Variants in FMN2 observed in about 807,000 individuals in gnomAD.
FMN2 encodes the protein formin 2.
A neutral mutation model predicts 142.3 loss-of-function variants in FMN2; 51 were observed. That is an observed-to-expected ratio of 0.36 (90% CI 0.29 to 0.45). The LOEUF (loss-of-function observed/expected upper bound fraction) is 0.45. Ranked by LOEUF, FMN2 falls within the 20% of genes least tolerant of loss-of-function variation. The pLI is 1.00. For synonymous variants in FMN2, 882 were observed against 869.8 expected, an observed-to-expected ratio of 1.01 and a Z score of -0.25; for missense variants, 1,936 against 2,122.8, an observed-to-expected ratio of 0.91 and a Z score of 1.73.
At chr1:240,189,703 A>G (rs952902665) in intron 4 of FMN2, among the ~76,000 whole-genome samples, 1 of 152,230 alleles carries the variant, frequency 6.6e-6, no homozygotes, top group African/African-American at 2.4e-5. Flanking sequence ...AGAGGGCTAC[A>G]TCAACTTGGT....
chr1:240,229,704 T>TTTAAAAGCAAATTATACCATC (rs1317645347), intron 6 of FMN2, among the ~76,000 whole-genome samples: 5 of 77,564 alleles, frequency 6.4e-5, no homozygotes, highest in African/African-American at 2.2e-4. Context: ...GGAGTGCCAG[T>TTTAAAAGCAAATTATACCATC]GGCATGATCT....
intron 16 of FMN2, among the ~76,000 whole-genome samples, chr1:240,464,171 A>T (rs1676537959): frequency 6.6e-6 from 1 of 152,176 alleles, no homozygotes; most frequent in Non-Finnish European, 1.5e-5. Context: ...GATGATTTGT[A>T]TGTGTGTACA....
intron 4 of FMN2, among the ~76,000 whole-genome samples, chr1:240,198,752 A>T (rs1371795325): frequency 6.6e-6 from 1 of 152,150 alleles, no homozygotes. Context: ...TGTGTAGCAG[A>T]TGTTAACATA....
intron 16 of FMN2, 82 bp from the exon 17 acceptor site, chr1:240,472,290 T>G: frequency 2.2e-6 from 2 of 914,590 alleles, no homozygotes; most frequent in East Asian, 2.5e-5. Flanking sequence ...TTTATTGAGT[T>G]GAGGTTTGCT....
At chr1:240,344,487 C>A (rs1671841654) in intron 13 of FMN2, among the ~76,000 whole-genome samples, 2 of 152,258 alleles carry the variant, frequency 1.3e-5, no homozygotes, top group African/African-American at 4.8e-5. Flanking sequence ...CTCACTCCTT[C>A]CTCCACACTA....
At chr1:240,348,071 G>A (rs1671968561) in intron 13 of FMN2, among the ~76,000 whole-genome samples, 2 of 152,080 alleles carry the variant, frequency 1.3e-5, no homozygotes, top group South Asian at 4.2e-4. Flanking sequence ...CGCAGTAATT[G>A]GATTGCTGGA....
chr1:240,355,267 A>G, intron 13 of FMN2, among the ~76,000 whole-genome samples: 1 of 152,166 alleles, frequency 6.6e-6, no homozygotes, highest in East Asian at 1.9e-4. Context: ...CTGACATGTA[A>G]TAGATGCTCT....
intron 2 of FMN2, among the ~76,000 whole-genome samples, chr1:240,141,405 G>T (rs1303996523): frequency 6.6e-6 from 1 of 152,118 alleles, no homozygotes. Flanking sequence ...AGTTTGGAGT[G>T]CAATGGCACG....
chr1:240,237,554 C>T (rs1440614974), intron 6 of FMN2, among the ~76,000 whole-genome samples: 2 of 152,242 alleles, frequency 1.3e-5, no homozygotes. Flanking sequence ...GTCTTTTTAT[C>T]TTGGGATGGA....
At chr1:240,459,767 A>T (rs1254385259) in intron 16 of FMN2, among the ~76,000 whole-genome samples, 3 of 147,062 alleles carry the variant, frequency 2.0e-5, no homozygotes, top group Non-Finnish European at 4.5e-5. Context: ...ATTGTAGAGG[A>T]AGTATGCTAA....
At chr1:240,308,599 C>A (rs541646285) in intron 8 of FMN2, among the ~76,000 whole-genome samples, 40 of 152,280 alleles carry the variant, frequency 2.6e-4, no homozygotes, top group Middle Eastern at 6.8e-3. Flanking sequence ...TTGGACACCC[C>A]TGTAAGAAGT....
chr1:240,448,799 C>G (rs1398217350), intron 16 of FMN2, among the ~76,000 whole-genome samples: 1 of 139,032 alleles, frequency 7.2e-6, no homozygotes, highest in Admixed American at 7.8e-5. Context: ...CCTGCGTGGT[C>G]AACAGAGCAA....
At chr1:240,144,163 C>T (rs371332570) in intron 2 of FMN2, 18 of 1,408,606 alleles carry the variant, frequency 1.3e-5, no homozygotes, top group South Asian at 2.3e-5. Flanking sequence ...CTCAACATTC[C>T]GTGGTCCTTG....
At chr1:240,453,468 T>C (rs1257829358) in intron 16 of FMN2, among the ~76,000 whole-genome samples, 3 of 152,198 alleles carry the variant, frequency 2.0e-5, no homozygotes, top group Admixed American at 1.3e-4. Flanking sequence ...TTAAGTGTCA[T>C]AGTCCCAACA....
At chr1:240,315,720 T>C (rs1670760515) in intron 8 of FMN2, among the ~76,000 whole-genome samples, 1 of 152,204 alleles carries the variant, frequency 6.6e-6, no homozygotes, top group Non-Finnish European at 1.5e-5. Context: ...AATTATTTAA[T>C]GTAACCCGGA....
At chr1:240,274,543 T>C (rs1435595020) in intron 7 of FMN2, among the ~76,000 whole-genome samples, 2 of 152,060 alleles carry the variant, frequency 1.3e-5, no homozygotes, top group Non-Finnish European at 2.9e-5. Flanking sequence ...AAGTTTGGCT[T>C]TTACTCTAAG....
intron 2 of FMN2, among the ~76,000 whole-genome samples, chr1:240,160,904 T>G (rs925941917): frequency 3.3e-5 from 5 of 152,184 alleles, no homozygotes; most frequent in Non-Finnish European, 5.9e-5. Flanking sequence ...AAAATCAATA[T>G]GTAAAACCAA....
chr1:240,105,276 T>A (rs1164639821), intron 1 of FMN2, among the ~76,000 whole-genome samples: 1 of 151,820 alleles, frequency 6.6e-6, no homozygotes, highest in Non-Finnish European at 1.5e-5. Flanking sequence ...GCCCGGCTAA[T>A]TTTTGTATCT....
chr1:240,425,219 G>GAGAGAGAT (rs1674896492), intron 15 of FMN2, among the ~76,000 whole-genome samples: 1 of 151,906 alleles, frequency 6.6e-6, no homozygotes, highest in Admixed American at 6.6e-5. Flanking sequence ...GAGAGAGAGA[G>GAGAGAGAT]AGAGAGAGAG....
Sources: gnomAD v4.1 joint callset for allele counts (sites outside exome capture counted in the v4.1 genomes callset) on GRCh38, gnomAD v4.1.1 for gene constraint, MANE v1.5 for transcripts, NCBI Gene and HGNC (gene_info 2026-07-23, HGNC 2026-07-21) for gene names.